Variants in DLG2 observed in about 807,000 individuals in gnomAD.
The protein encoded by DLG2 is discs large MAGUK scaffold protein 2.
A neutral mutation model predicts 132.5 loss-of-function variants in DLG2; 45 were observed. The ratio of observed to expected loss-of-function variants is 0.34; its 90% CI spans 0.27 to 0.44. The LOEUF is 0.44. Among genes scored for constraint, DLG2 ranks in the 20% least tolerant of loss-of-function variants. DLG2 has a pLI of 1.00. For synonymous variants in DLG2, 424 were observed against 419.6 expected (o/e 1.01, Z -0.13); for missense variants, 1,045 against 1,196.9 (o/e 0.87, Z 1.87).
chr11:84,854,253 A>G (rs1644902407), intron 6 of DLG2, among the ~76,000 whole-genome samples: 1 of 152,010 alleles, frequency 6.6e-6, no homozygotes, highest in East Asian at 1.9e-4. Context: ...TTATTGCCCA[A>G]TATAAACCTG....
At chr11:83,832,887 C>T (rs2054961704) in intron 17 of DLG2, among the ~76,000 whole-genome samples, 1 of 152,146 alleles carries the variant, frequency 6.6e-6, no homozygotes, top group African/African-American at 2.4e-5. Flanking sequence ...TTATCTTATG[C>T]ATTTTTTTGT....
At chr11:83,859,551 A>C (rs2061098540) in intron 16 of DLG2, among the ~76,000 whole-genome samples, 1 of 152,234 alleles carries the variant, frequency 6.6e-6, no homozygotes, top group South Asian at 2.1e-4. Context: ...GCAGCAAAGC[A>C]TTCAAGAGGT....
At chr11:85,173,747 C>A (rs2079033048) in intron 4 of DLG2, among the ~76,000 whole-genome samples, 1 of 152,002 alleles carries the variant, frequency 6.6e-6, no homozygotes, top group African/African-American at 2.4e-5. Flanking sequence ...TGTAAAGACA[C>A]ACATAGGCTC....
At chr11:83,560,140 G>C (rs941194994) in intron 19 of DLG2, among the ~76,000 whole-genome samples, 1 of 151,094 alleles carries the variant, frequency 6.6e-6, no homozygotes, top group African/African-American at 2.4e-5. Context: ...TTCTTCTTGA[G>C]ACGGAGTCTC....
intron 3 of DLG2, among the ~76,000 whole-genome samples, chr11:85,553,551 T>TC (rs2076780683): frequency 6.6e-6 from 1 of 151,514 alleles, no homozygotes; most frequent in Non-Finnish European, 1.5e-5. Flanking sequence ...ATAAGTACAT[T>TC]TGCAGATGAA....
intron 3 of DLG2, among the ~76,000 whole-genome samples, chr11:85,297,372 A>G (rs2079299680): frequency 6.6e-6 from 1 of 152,126 alleles, no homozygotes; most frequent in Non-Finnish European, 1.5e-5. Flanking sequence ...CAAGTACGAC[A>G]TGAAGCTTTG....
intron 6 of DLG2, among the ~76,000 whole-genome samples, chr11:84,834,142 TTAAA>T (rs1317500090): frequency 6.6e-6 from 1 of 151,702 alleles, no homozygotes; most frequent in Non-Finnish European, 1.5e-5. Context: ...CTAATATTAA[TTAAA>T]TAACCATTTC....
chr11:84,628,101 T>C (rs371765413), intron 6 of DLG2, among the ~76,000 whole-genome samples: 2 of 112,160 alleles, frequency 1.8e-5, no homozygotes, highest in East Asian at 2.9e-4. Context: ...CACACATATA[T>C]ACACACATAT....
chr11:84,403,401 T>C (rs2098837529), intron 7 of DLG2, among the ~76,000 whole-genome samples: 1 of 152,214 alleles, frequency 6.6e-6, no homozygotes. Flanking sequence ...AGCCAATCAA[T>C]TGCCATTACT....
chr11:84,932,441 G>A (rs1381537740), intron 6 of DLG2, among the ~76,000 whole-genome samples: 4 of 152,068 alleles, frequency 2.6e-5, no homozygotes, highest in Non-Finnish European at 5.9e-5. Flanking sequence ...ATGCAGGTTA[G>A]TTACATAGGT....
At chr11:85,110,507 G>A (rs569037449) in intron 6 of DLG2, among the ~76,000 whole-genome samples, 10 of 152,116 alleles carry the variant, frequency 6.6e-5, no homozygotes, top group African/African-American at 2.4e-4. Flanking sequence ...CTGATCATCT[G>A]CTCAAAAATT....
intron 9 of DLG2, among the ~76,000 whole-genome samples, chr11:84,135,345 T>C (rs1180293560): frequency 1.3e-5 from 2 of 152,142 alleles, no homozygotes; most frequent in Non-Finnish European, 2.9e-5. Flanking sequence ...TTTTCTTTTC[T>C]ATTTAATCAA....
chr11:85,295,988 A>G (rs1392300032), intron 3 of DLG2, among the ~76,000 whole-genome samples: 1 of 152,178 alleles, frequency 6.6e-6, no homozygotes, highest in Non-Finnish European at 1.5e-5. Context: ...CAAACATTAA[A>G]GAGGATGCTA....
chr11:84,856,913 G>A (rs2082862723), intron 6 of DLG2, among the ~76,000 whole-genome samples: 1 of 151,980 alleles, frequency 6.6e-6, no homozygotes, highest in Non-Finnish European at 1.5e-5. Context: ...CAAGTAATAT[G>A]AAGAAGTTAT....
chr11:83,908,707 C>G (rs1742140517), intron 15 of DLG2, among the ~76,000 whole-genome samples: 1 of 152,020 alleles, frequency 6.6e-6, no homozygotes, highest in African/African-American at 2.4e-5. Context: ...TTAGAGTAGG[C>G]CACTGGCCAA....
At chr11:84,326,865 A>G (rs926152319) in intron 7 of DLG2, among the ~76,000 whole-genome samples, 3 of 152,048 alleles carry the variant, frequency 2.0e-5, no homozygotes, top group African/African-American at 4.8e-5. Context: ...CTTTAATTCT[A>G]TCAATGTCTG....
intron 4 of DLG2, among the ~76,000 whole-genome samples, chr11:85,265,719 C>T (rs1470531974): frequency 1.3e-5 from 2 of 152,198 alleles, no homozygotes; most frequent in African/African-American, 2.4e-5. Context: ...TAGCTTGCTG[C>T]ACCCACCATC....
rs7118403 is a variant in DLG2, at chr11:83,851,519, C to T, written c.1566-17749G>A. On this transcript the variant is annotated intron_variant, in intron 16 of 27. Coordinates refer to ENST00000376104, the MANE Select transcript of DLG2 (RefSeq NM_001142699.3). ...GCAGGCACCTGTAATCCCAGCTACTCGGGAGGCTGAGGCAGGAGAATTGCT... is the reference window on the plus strand; with the variant it reads ...GCAGGCACCTGTAATCCCAGCTACTTGGGAGGCTGAGGCAGGAGAATTGCT... Among the ~76,000 whole-genome samples, 812 of 150,652 alleles carry T rather than the reference C, an allele frequency of 5.4e-3. 5 individuals are homozygous for T. The highest frequency in any genetic ancestry group is 0.019 in the African/African-American group (765 of 40,994).
In DLG2 at chr11:85,310,506, C is replaced by T. The variant is rs191636786; in HGVS notation, c.41-25141G>A. On this transcript the variant is annotated intron_variant, in intron 3 of 27. Coordinates refer to ENST00000376104, the MANE Select transcript of DLG2 (RefSeq NM_001142699.3). ...AGGGACTGTCCCTTCACCCAAGAGG[C>T]CTGGCCTAAAACAACCAGCAGATGT... Among the ~76,000 whole-genome samples the T allele has an allele frequency of 3.4e-4, 51 of 152,194 alleles. 1 individual carries two copies. The highest frequency in any genetic ancestry group is 1.2e-3 in the African/African-American group (48 of 41,540).
Sources: gnomAD v4.1 joint callset for allele counts (sites outside exome capture counted in the v4.1 genomes callset) on GRCh38, gnomAD v4.1.1 for gene constraint, MANE v1.5 for transcripts, NCBI Gene and HGNC (gene_info 2026-07-23, HGNC 2026-07-21) for gene names.